The following HMGA2 variants were observed in gnomAD, a reference collection of about 807,000 sequenced individuals.
HMGA2 encodes the protein high mobility group AT-hook 2.
HMGA2 carries 8 observed loss-of-function variants against 19.1 expected under a neutral mutation model. That is an observed-to-expected ratio of 0.42 (90% confidence interval 0.25 to 0.76). The LOEUF is 0.76. Among genes scored for constraint, HMGA2 ranks in the 30% least tolerant of loss-of-function variants. HMGA2 has a pLI of 0.28. For missense variants in HMGA2, 109 were observed against 136.3 expected (o/e 0.80, Z 1.00); for synonymous variants, 60 against 48.8 (o/e 1.23, Z -0.96).
Position 65,899,256 on chromosome 12 carries a change from A to G in HMGA2, c.250-52127A>G, listed in dbSNP as rs547049755. 1.7e-3 allele frequency among the ~76,000 whole-genome samples: 256 copies of G among 152,262 alleles called. 1 individual carries two copies. Among genetic ancestry groups the G allele is most frequent in the African/African-American group, 5.8e-3 (241 of 41,548 alleles). Reference sequence around the variant, plus strand: ...GTTGAATATCCAAATGTTTCCAAATATCCTTATATTTCATAGCTTGTAGTT... The same window carrying G: ...GTTGAATATCCAAATGTTTCCAAATGTCCTTATATTTCATAGCTTGTAGTT... On this transcript the variant is annotated intron_variant, in intron 3 of 4. Transcript: ENST00000403681.
At chr12:65,833,925 A>G (rs1182969192) in intron 2 of HMGA2, among the ~76,000 whole-genome samples, 4 of 152,156 alleles carry the variant, frequency 2.6e-5, no homozygotes, top group African/African-American at 9.7e-5. Context: ...AAATAAGGGG[A>G]GGGAAAAGAA....
chr12:65,939,123 A>C (rs1875997351), intron 3 of HMGA2, among the ~76,000 whole-genome samples: 1 of 152,188 alleles, frequency 6.6e-6, no homozygotes, highest in South Asian at 2.1e-4. Flanking sequence ...CTTCTTCCAG[A>C]AGACTAGAAA....
chr12:65,871,055 C>T (rs1592405421), intron 3 of HMGA2, among the ~76,000 whole-genome samples: 2 of 152,262 alleles, frequency 1.3e-5, no homozygotes, highest in African/African-American at 2.4e-5. Context: ...TTAGAAAAAA[C>T]GTAGGCTCAG....
chr12:65,899,549 C>G (rs1874287928), intron 3 of HMGA2, among the ~76,000 whole-genome samples: 1 of 152,186 alleles, frequency 6.6e-6, no homozygotes, highest in African/African-American at 2.4e-5. Context: ...TCAAGTTTAT[C>G]TCTGGATGAG....
chr12:65,890,155 C>T (rs1873842587), intron 3 of HMGA2, among the ~76,000 whole-genome samples: 1 of 152,088 alleles, frequency 6.6e-6, no homozygotes, highest in Non-Finnish European at 1.5e-5. Flanking sequence ...AATCATTATG[C>T]CACAAAGTTA....
rs1181316855 is a variant in HMGA2, at chr12:65,842,876, C to T, written c.249+4307C>T. On this transcript the variant is annotated intron_variant, in intron 3 of 4. Transcript: ENST00000403681. ...TTGGAGAAAGTTTTAGAGAGTGGGGCTCAGGCTCAAGAATACAATGAAGTA... is the reference window on the plus strand; with the variant it reads ...TTGGAGAAAGTTTTAGAGAGTGGGGTTCAGGCTCAAGAATACAATGAAGTA... 3.1e-6 allele frequency: 4 copies of T among 1,284,744 alleles called. No individual in the cohort carries two copies. The East Asian group carries it at 1.1e-4, about 37-fold the overall frequency. The allele number at this position is 1,284,744 out of a possible 1,614,324, so 79.6% of individuals were successfully genotyped here. A position where few individuals can be genotyped will look rare whatever the true frequency, so the allele number is the denominator to read the frequency against.
chr12:65,961,353 A>G (rs1470478038), intron 4 of HMGA2, among the ~76,000 whole-genome samples: 1 of 152,180 alleles, frequency 6.6e-6, no homozygotes, highest in Non-Finnish European at 1.5e-5. Flanking sequence ...TCGTCTGCCC[A>G]TGGCTTTGAT....
At chr12:65,853,985 T>A (rs1324645540) in intron 3 of HMGA2, among the ~76,000 whole-genome samples, 1 of 152,238 alleles carries the variant, frequency 6.6e-6, no homozygotes, top group African/African-American at 2.4e-5. Flanking sequence ...TGCTCATGAA[T>A]CATAAGAACT....
chr12:65,829,767 T>G lies in HMGA2; in HGVS notation c.198+1680T>G, dbSNP rs116214009. ...ACGCTCCCATCGCCTCCGCTTCATT[T>G]TAAAAAGCTTACCACTGACTAACAA... is the stretch of plus-strand genomic sequence containing the variant. On this transcript the variant is annotated intron_variant, in intron 2 of 4. Coordinates refer to ENST00000403681, the MANE Select transcript of HMGA2 (RefSeq NM_003483.6). Among the ~76,000 whole-genome samples, 739 of 152,122 alleles carry G rather than the reference T, an allele frequency of 4.9e-3. 6 individuals carry two copies. The highest frequency in any genetic ancestry group is 0.017 in the African/African-American group (712 of 41,556).
At chr12:65,854,715 A>T (rs546725337) in intron 3 of HMGA2, among the ~76,000 whole-genome samples, 1 of 152,266 alleles carries the variant, frequency 6.6e-6, no homozygotes, top group Non-Finnish European at 1.5e-5. Context: ...ATTCTTCCTG[A>T]TGCTCTCCCT....
intron 3 of HMGA2, among the ~76,000 whole-genome samples, chr12:65,854,950 T>C (rs997441024): frequency 6.6e-6 from 1 of 152,184 alleles, no homozygotes; most frequent in African/African-American, 2.4e-5. Context: ...AAATCATAGG[T>C]GGGCTTTGCA....
chr12:65,887,757 A>G (rs893300789), intron 3 of HMGA2, among the ~76,000 whole-genome samples: 1 of 152,114 alleles, frequency 6.6e-6, no homozygotes, highest in Non-Finnish European at 1.5e-5. Context: ...AAAGAACAAT[A>G]GTTAAATCTT....
intron 3 of HMGA2, among the ~76,000 whole-genome samples, chr12:65,931,883 C>T (rs961627644): frequency 6.6e-6 from 1 of 152,124 alleles, no homozygotes; most frequent in Non-Finnish European, 1.5e-5. Flanking sequence ...CCCCTGCACT[C>T]CAGCCTGGGC....
At chr12:65,831,973 AT>A (rs1420754757) in intron 2 of HMGA2, among the ~76,000 whole-genome samples, 2 of 151,948 alleles carry the variant, frequency 1.3e-5, no homozygotes, top group African/African-American at 4.8e-5. Flanking sequence ...AACTACTATG[AT>A]TTAGTTTAAT....
At chr12:65,870,518 G>A (rs1872657602) in intron 3 of HMGA2, among the ~76,000 whole-genome samples, 1 of 151,882 alleles carries the variant, frequency 6.6e-6, no homozygotes, top group African/African-American at 2.4e-5. Flanking sequence ...ATCACCTTAG[G>A]TCAGGAGTTC....
At chr12:65,915,753 T>C (rs745452879) in intron 3 of HMGA2, among the ~76,000 whole-genome samples, 2 of 152,234 alleles carry the variant, frequency 1.3e-5, no homozygotes, top group Non-Finnish European at 2.9e-5. Context: ...AGTTACTCTT[T>C]GGGTTTAAAT....
chr12:65,837,113 C>T (rs1870766609), intron 2 of HMGA2, among the ~76,000 whole-genome samples: 1 of 152,124 alleles, frequency 6.6e-6, no homozygotes, highest in African/African-American at 2.4e-5. Context: ...CTTTATAAGG[C>T]TGCTGTAAGG....
rs71096056 is a variant in HMGA2, at chr12:65,875,589, A to ATTTTTTT, written c.249+37055_249+37061dup. ...CGGGCATATGCCACCGTGCCCGGCT[A>ATTTTTTT]TTTTTTTTTTTTTTTTTTTTTTTTT... On this transcript the variant is annotated intron_variant, in intron 3 of 4. Transcript: ENST00000403681. Among the ~76,000 whole-genome samples the ATTTTTTT allele has an allele frequency of 3.0e-3, 78 of 26,114 alleles. 28 individuals carry two copies. Among genetic ancestry groups the ATTTTTTT allele is most frequent in the Non-Finnish European group, 5.1e-3 (60 of 11,776 alleles). The allele number at this position is 26,114 out of a possible 152,430, so 17.1% of individuals were successfully genotyped here. A position where few individuals can be genotyped will look rare whatever the true frequency, so the allele number is the denominator to read the frequency against.
intron 3 of HMGA2, among the ~76,000 whole-genome samples, chr12:65,843,938 A>C (rs901560800): frequency 2.0e-4 from 31 of 151,250 alleles, no homozygotes; most frequent in Admixed American, 1.4e-3. Context: ...AGTCCCAGCT[A>C]TTCAGGAGGC....
Sources: gnomAD v4.1 joint callset for allele counts (sites outside exome capture counted in the v4.1 genomes callset) on GRCh38, gnomAD v4.1.1 for gene constraint, MANE v1.5 for transcripts, NCBI Gene and HGNC (gene_info 2026-07-23, HGNC 2026-07-21) for gene names.